PSME4: variants seen among roughly 807,000 people sequenced by gnomAD.
PSME4 encodes the protein proteasome activator subunit 4.
A neutral mutation model predicts 253.9 loss-of-function variants in PSME4; 89 were observed. The ratio of observed to expected loss-of-function variants is 0.35; its 90% CI spans 0.30 to 0.42. The LOEUF (loss-of-function observed/expected upper bound fraction) is 0.42, where lower values mean the gene tolerates loss of function less well. Among genes scored for constraint, PSME4 ranks in the 10% least tolerant of loss-of-function variants. The pLI is 1.00. For missense variants in PSME4, 2,014 were observed against 2,195.2 expected (o/e 0.92, Z 1.65); for synonymous variants, 851 against 759.2 (o/e 1.12, Z -1.99).
At chr2:53,881,945 C>T (rs1344893767) in intron 41 of PSME4, among the ~76,000 whole-genome samples, 1 of 152,048 alleles carries the variant, frequency 6.6e-6, no homozygotes, top group Admixed American at 6.5e-5. Context: ...GTAAGCTATT[C>T]TTGGTTGGAA....
chr2:53,872,559 G>T (rs981135847), intron 43 of PSME4, among the ~76,000 whole-genome samples: 1 of 151,550 alleles, frequency 6.6e-6, no homozygotes, highest in Non-Finnish European at 1.5e-5. Context: ...TGGGCAGTAT[G>T]GCAAAACCTT....
chr2:53,934,653 T>C lies in PSME4; in HGVS notation c.909A>G (p.Thr303=), dbSNP rs1258469378. The C allele has an allele frequency of 2.5e-6, 4 of 1,612,638 alleles. No homozygotes were observed. The highest frequency in any genetic ancestry group is 3.4e-6 in the Non-Finnish European group (4 of 1,178,816). Residue 303 remains threonine, a synonymous_variant, in exon 8 of 47, where the codon ACA becomes ACG. Transcript: ENST00000404125. ...CAGCATGTCCTATATCATAAGCATT[T>C]GTTAAAAATCTTGGGACTAACACTT... The part of the protein sequence containing the change: ...SSQVLVPRFL[T]NAYDIGHAVI...
chr2:53,964,223 C>T (rs946578432), intron 1 of PSME4, among the ~76,000 whole-genome samples: 12 of 152,072 alleles, frequency 7.9e-5, no homozygotes, highest in African/African-American at 2.9e-4. Flanking sequence ...ATATGTGTGA[C>T]ATCATCATGA....
At chr2:53,967,607 C>G (rs1042875720) in intron 1 of PSME4, among the ~76,000 whole-genome samples, 2 of 125,168 alleles carry the variant, frequency 1.6e-5, no homozygotes, top group Non-Finnish European at 3.1e-5. Flanking sequence ...ACGATAGTGC[C>G]ACTACACTAT....
rs368674583 is a variant in PSME4 at position 53,908,775 on chromosome 2, T to A, written c.2629+9A>T. The A allele has an allele frequency of 6.3e-7, 1 of 1,584,676 alleles. No homozygotes were observed. Among genetic ancestry groups the A allele is most frequent in the Non-Finnish European group, 8.6e-7 (1 of 1,157,288 alleles). ...AGTACAAATAAGTTAAATGTACAGA[T>A]ACACTTACTAAGAAGTTTCCTTATA... On this transcript the variant is annotated intron_variant, in intron 22 of 46. Transcript: ENST00000404125.
chr2:53,950,852 A>G (rs1458102975), intron 1 of PSME4, among the ~76,000 whole-genome samples: 2 of 151,826 alleles, frequency 1.3e-5, no homozygotes, highest in African/African-American at 2.4e-5. Context: ...AAAAAAAAAA[A>G]AAAAAGAAAA....
intron 41 of PSME4, among the ~76,000 whole-genome samples, chr2:53,883,016 T>C (rs1332175646): frequency 6.6e-6 from 1 of 152,132 alleles, no homozygotes; most frequent in South Asian, 2.1e-4. Context: ...GCTGCTTTTA[T>C]AAACTCACAA....
In PSME4 at chr2:53,895,622, A is replaced by T; in HGVS notation, c.3803T>A (p.Phe1268Tyr). 1 of 1,613,522 alleles carries T rather than the reference A, an allele frequency of 6.2e-7. No individual in the cohort carries two copies. The highest frequency in any genetic ancestry group is 8.5e-7 in the Non-Finnish European group (1 of 1,179,808). ...RTKKEWESSCFVEKTHWGYYT... is the reference protein window; with the variant it reads ...RTKKEWESSCYVEKTHWGYYT... Reference sequence around the variant, plus strand: ...GTATCCCCAGTGAGTTTTTTCCACAAAGCAACTTGACTCCCATTCTTTTTT... The same window carrying T: ...GTATCCCCAGTGAGTTTTTTCCACATAGCAACTTGACTCCCATTCTTTTTT... Residue 1268 changes from phenylalanine (F) to tyrosine (Y), a missense_variant, in exon 33 of 47, where the codon TTT becomes TAT. By Grantham distance (22) the Phe-to-Tyr change is conservative. Coordinates refer to ENST00000404125, the MANE Select transcript of PSME4 (RefSeq NM_014614.3).
At chr2:53,903,527 T>A (rs1680508542) in intron 27 of PSME4, among the ~76,000 whole-genome samples, 1 of 152,142 alleles carries the variant, frequency 6.6e-6, no homozygotes, top group South Asian at 2.1e-4. Context: ...TTTCCTTTCT[T>A]CTCTACTCCA....
At position 53,893,001 on chromosome 2, in the gene PSME4, T is replaced by C. The variant is rs758964433; in HGVS notation, c.4039-41A>G. On this transcript the variant is annotated intron_variant, in intron 35 of 46. Coordinates refer to ENST00000404125, the MANE Select transcript of PSME4 (RefSeq NM_014614.3). Reference sequence around the variant, plus strand: ...CTGTTCTTCAGTACTCAAATGACTATCATCTCGATTATAATTATGCTTGTA... The same window carrying C: ...CTGTTCTTCAGTACTCAAATGACTACCATCTCGATTATAATTATGCTTGTA... 4 of 1,550,302 alleles carry C rather than the reference T, an allele frequency of 2.6e-6. No individual in the cohort carries two copies. In the African/African-American group the frequency reaches 5.5e-5, roughly 21 times the overall value.
chr2:53,906,693 G>C lies in PSME4; in HGVS notation c.2848C>G (p.Leu950Val), dbSNP rs1259441161. 1.9e-6 allele frequency: 3 copies of C among 1,598,394 alleles called. No homozygotes were observed. Among genetic ancestry groups the C allele is most frequent in the African/African-American group, 1.4e-5 (1 of 73,954 alleles). The change falls in exon 26 of 47, where the codon CTA (leucine) becomes GTA (valine). Residue 950 changes from leucine (L) to valine (V), a missense_variant and splice_region_variant. Transcript: ENST00000404125. ...LIDRVMLQHE[L>V]RTLTVEGCEY... is the part of the protein sequence containing the mutation. ...CAACCCTCAACAGTTAGTGTCCGTA[G>C]CTAAGAAAACAATCGCAAACATTTA...
At chr2:53,866,928 T>A (rs765140649) in intron 44 of PSME4, 48 bp from the exon 45 acceptor site, 1 of 1,553,822 alleles carries the variant, frequency 6.4e-7, no homozygotes, top group African/African-American at 1.4e-5. Context: ...ATGTCTCTAA[T>A]GCACTTGTTA....
intron 1 of PSME4, among the ~76,000 whole-genome samples, chr2:53,955,042 G>A (rs7567109): frequency 8.6e-4 from 130 of 151,850 alleles, no homozygotes; most frequent in African/African-American, 2.3e-3. Flanking sequence ...GTGATGGCAC[G>A]TGCCTGTAGT....
At chr2:53,933,693 C>T (rs1668967804) in intron 8 of PSME4, among the ~76,000 whole-genome samples, 1 of 152,200 alleles carries the variant, frequency 6.6e-6, no homozygotes, top group Non-Finnish European at 1.5e-5. Context: ...TATTTTCACA[C>T]TTAACACAAA....
intron 4 of PSME4, among the ~76,000 whole-genome samples, chr2:53,938,193 C>A (rs1030081670): frequency 6.6e-6 from 1 of 152,046 alleles, no homozygotes; most frequent in Non-Finnish European, 1.5e-5. Flanking sequence ...CAAAAAGAAT[C>A]CAGTCTAAAC....
At chr2:53,898,537 G>C (rs1205229323) in intron 29 of PSME4, among the ~76,000 whole-genome samples, 183 bp from the exon 30 acceptor site, 3 of 151,896 alleles carry the variant, frequency 2.0e-5, no homozygotes, top group Admixed American at 2.0e-4. Flanking sequence ...GAGATGCTGG[G>C]AAAAGCTCAT....
At chr2:53,885,833 G>C in intron 40 of PSME4, 58 bp from the exon 41 acceptor site, 1 of 1,240,172 alleles carries the variant, frequency 8.1e-7, no homozygotes, top group Non-Finnish European at 1.2e-6. Flanking sequence ...AGACCACAAA[G>C]TAGAACAATA....
At chr2:53,886,975 C>A (rs973012066) in intron 40 of PSME4, among the ~76,000 whole-genome samples, 1 of 151,930 alleles carries the variant, frequency 6.6e-6, no homozygotes, top group African/African-American at 2.4e-5. Flanking sequence ...GGAAAGTAGA[C>A]AGTGGTTATA....
At position 53,919,153 on chromosome 2, in the gene PSME4, GT is replaced by G; in HGVS notation, c.2513del (p.Asn838ThrfsTer2). 6.2e-7 allele frequency: 1 copy of G among 1,609,428 alleles called. No individual in the cohort carries two copies. The highest frequency in any genetic ancestry group is 1.7e-4 in the Middle Eastern group (1 of 5,892). On this transcript the variant is annotated frameshift_variant, in exon 20 of 47. Transcript: ENST00000404125. LOFTEE classifies it high-confidence loss of function. ...LPPLKGEPVTNLVPSMVSLEE... is the reference protein window; with the variant it reads ...LPPLKGEPVTXLVPSMVSLEE... Reference sequence around the variant, plus strand: ...GGAAAACAGTTATTTTTACTTACAAGTTAGTAACTGGCTCTCCTTTCAACGG... The same window carrying G: ...GGAAAACAGTTATTTTTACTTACAAGTAGTAACTGGCTCTCCTTTCAACGG...
Sources: gnomAD v4.1 joint callset for allele counts (sites outside exome capture counted in the v4.1 genomes callset) on GRCh38, gnomAD v4.1.1 for gene constraint, MANE v1.5 for transcripts, NCBI Gene and HGNC (gene_info 2026-07-23, HGNC 2026-07-21) for gene names.